LLGL1: variants seen among roughly 807,000 people sequenced by gnomAD.
The protein encoded by LLGL1 is lethal(2) giant larvae protein homolog 1.
In LLGL1, 58 loss-of-function variants were observed where a neutral mutation model predicts 110.6. That is an observed-to-expected ratio of 0.52 (90% confidence interval 0.42 to 0.65). The LOEUF is 0.65. Ranked by LOEUF, LLGL1 falls within the 30% of genes least tolerant of loss-of-function variation. The probability of loss-of-function intolerance (pLI) is 0.00; values close to 1 mark genes in which losing one functional copy is unlikely to be tolerated. For synonymous variants in LLGL1, 674 were observed against 607.2 expected (o/e 1.11, Z -1.62); for missense variants, 1,229 against 1,462.1 (o/e 0.84, Z 2.60).
chr17:18,244,864 A>T lies in LLGL1; in HGVS notation c.*958A>T. ...TTAATATTGAAAATAAAAGCATTTAATATCTCTTAAAGGGCATCCACATCT... is the reference window on the plus strand; with the variant it reads ...TTAATATTGAAAATAAAAGCATTTATTATCTCTTAAAGGGCATCCACATCT... On this transcript the variant is annotated 3_prime_UTR_variant, in exon 23 of 23. Coordinates refer to ENST00000316843, the MANE Select transcript of LLGL1 (RefSeq NM_004140.4). 2.5e-6 allele frequency: 1 copy of T among 404,990 alleles called. No individual in the cohort carries two copies. The highest frequency in any genetic ancestry group is 4.4e-6 in the Non-Finnish European group (1 of 229,542). The allele number at this position is 404,990 out of a possible 1,614,324, so 25.1% of individuals were successfully genotyped here. A position where few individuals can be genotyped will look rare whatever the true frequency, so the allele number is the denominator to read the frequency against.
intron 11 of LLGL1, 144 bp from the exon 12 acceptor site, chr17:18,236,463 C>G: frequency 1.3e-6 from 1 of 764,492 alleles, no homozygotes; most frequent in East Asian, 2.5e-5. Context: ...CAGTAGGTGC[C>G]TATTGTTTTT....
rs1260702126 is a variant in LLGL1 at position 18,225,704 on chromosome 17, C to T, written c.22C>T (p.Arg8Trp). Reference sequence around the variant, plus strand: ...CAAGATGATGAAGTTTCGGTTCCGGCGGCAGGGCGCCGACCCGCAGCGCGA... The same window carrying T: ...CAAGATGATGAAGTTTCGGTTCCGGTGGCAGGGCGCCGACCCGCAGCGCGA... MMKFRFRRQGADPQREKL... is the reference protein window; with the variant it reads MMKFRFRWQGADPQREKL... The change falls in exon 1 of 23, where the codon CGG becomes TGG. Residue 8 changes from arginine to tryptophan, a missense_variant. By Grantham distance (101) the Arg-to-Trp change is moderately radical (BLOSUM62 -3). Transcript: ENST00000316843. The T allele has an allele frequency of 9.6e-7, 1 of 1,042,006 alleles. No individual in the cohort carries two copies. Among genetic ancestry groups the T allele is most frequent in the Non-Finnish European group, 1.2e-6 (1 of 857,298 alleles). 64.5% of individuals were successfully genotyped at this position (1,042,006 alleles called of 1,614,324 possible).
intron 16 of LLGL1, 91 bp downstream of exon 16, chr17:18,238,700 G>A: frequency 3.0e-6 from 4 of 1,329,194 alleles, no homozygotes; most frequent in Non-Finnish European, 3.1e-6. Context: ...CAAGGGAGGT[G>A]GTGGGACTGC....
At chr17:18,228,495 A>G (rs1213568226) in intron 1 of LLGL1, among the ~76,000 whole-genome samples, 1 of 152,162 alleles carries the variant, frequency 6.6e-6, no homozygotes, top group African/African-American at 2.4e-5. Flanking sequence ...CAATCCAGGC[A>G]CGTGACGGTG....
rs1449927042 is a variant in LLGL1, at chr17:18,232,655, C to G, written c.262-17C>G. 8 of 1,614,168 alleles carry G rather than the reference C, an allele frequency of 5.0e-6. No homozygotes were observed. Among genetic ancestry groups the G allele is most frequent in the Non-Finnish European group, 6.8e-6 (8 of 1,179,994 alleles). On this transcript the variant is annotated splice_polypyrimidine_tract_variant and intron_variant, in intron 3 of 22. Coordinates refer to ENST00000316843, the MANE Select transcript of LLGL1 (RefSeq NM_004140.4). ...CCCCCTAGGCCAGCCTAGTTTTCAT[C>G]TCTGCTCACACACCAGGGCCGCCTC... is the stretch of plus-strand genomic sequence containing the variant.
chr17:18,225,644 G>C lies in LLGL1; in HGVS notation c.-39G>C, dbSNP rs1401836301. The C allele has an allele frequency of 8.0e-6, 7 of 873,998 alleles. No homozygotes were observed. The highest frequency in any genetic ancestry group is 9.6e-6 in the Non-Finnish European group (7 of 729,958). The allele number at this position is 873,998 out of a possible 1,614,324, so 54.1% of individuals were successfully genotyped here. A position where few individuals can be genotyped will look rare whatever the true frequency, so the allele number is the denominator to read the frequency against. On this transcript the variant is annotated 5_prime_UTR_variant, in exon 1 of 23. Coordinates refer to ENST00000316843, the MANE Select transcript of LLGL1 (RefSeq NM_004140.4). The stretch of plus-strand genomic sequence containing the variant: ...CGGGGCCGCGCGGCGCATCCTGCGG[G>C]CGGCGGCGGCGGGCGAGGCGCCTGC...
chr17:18,229,239 T>C (rs972143116), intron 1 of LLGL1, among the ~76,000 whole-genome samples: 7 of 151,988 alleles, frequency 4.6e-5, no homozygotes, highest in Admixed American at 2.6e-4. Context: ...GGGAGCTGTT[T>C]CATCGACACT....
chr17:18,232,531 C>T lies in LLGL1; in HGVS notation c.216C>T (p.His72=), dbSNP rs773338421. ...GAPGVEFTGL[H]RDAATVTQMH... is the part of the protein sequence containing the mutation. ...CTGGCGTGGAGTTCACAGGCCTGCA[C>T]CGGGATGCAGCCACTGTCACACAGA... Residue 72 remains histidine, a synonymous_variant, in exon 3 of 23, where the codon CAC becomes CAT. Coordinates refer to ENST00000316843, the MANE Select transcript of LLGL1 (RefSeq NM_004140.4). 13 of 1,613,984 alleles carry T rather than the reference C, an allele frequency of 8.1e-6. No individual in the cohort carries two copies. The Admixed American group carries it at 1.8e-4, about 23-fold the overall frequency.
Position 18,229,998 on chromosome 17 carries a change from C to G in LLGL1, c.139C>G (p.Arg47Gly). The G allele has an allele frequency of 1.2e-6, 2 of 1,612,264 alleles. No homozygotes were observed. Among genetic ancestry groups the G allele is most frequent in the South Asian group, 1.1e-5 (1 of 90,996 alleles). ...PSALAFDPEL[R>G]IMAIGTRSGA... Reference sequence around the variant, plus strand: ...CGCCCTGGCCTTCGACCCGGAACTTCGCATCATGGCCATCGGCACCAGGTC... The same window carrying G: ...CGCCCTGGCCTTCGACCCGGAACTTGGCATCATGGCCATCGGCACCAGGTC... Residue 47 changes from arginine (R) to glycine (G), a missense_variant, in exon 2 of 23, where the codon CGC (arginine) becomes GGC (glycine). By Grantham distance (125) the Arg-to-Gly change is moderately radical. Transcript: ENST00000316843.
intron 16 of LLGL1, among the ~76,000 whole-genome samples, chr17:18,239,716 G>C (rs765852911): frequency 2.6e-5 from 4 of 152,048 alleles, no homozygotes; most frequent in Non-Finnish European, 5.9e-5. Flanking sequence ...CTCACTGTCT[G>C]GATGTGGCGG....
rs2142519578 is a variant in LLGL1, at chr17:18,225,738, A to T, written c.56A>T (p.Lys19Met). 9.6e-7 allele frequency: 1 copy of T among 1,038,926 alleles called. No individual in the cohort carries two copies. 64.4% of individuals were successfully genotyped at this position (1,038,926 alleles called of 1,614,324 possible). A position where few individuals can be genotyped will look rare whatever the true frequency, so the allele number is the denominator to read the frequency against. The change falls in exon 1 of 23, where the codon AAG becomes ATG. Residue 19 changes from lysine (K) to methionine (M), a missense_variant. Coordinates refer to ENST00000316843, the MANE Select transcript of LLGL1 (RefSeq NM_004140.4). ...QGADPQREKLKQELFAFNKTV... is the reference protein window; with the variant it reads ...QGADPQREKLMQELFAFNKTV... ...GCCGACCCGCAGCGCGAGAAGCTCA[A>T]GCAGGAGCTTTTCGCCTTCAACAAG...
rs755343498 is a variant in LLGL1 at position 18,241,912 on chromosome 17, T to C, written c.2795T>C (p.Phe932Ser). The C allele has an allele frequency of 1.2e-6, 2 of 1,614,002 alleles. No homozygotes were observed. The highest frequency in any genetic ancestry group is 2.2e-5 in the East Asian group (1 of 44,876). Residue 932 changes from phenylalanine to serine, a missense_variant, in exon 19 of 23, where the codon TTT becomes TCT. By Grantham distance (155) the Phe-to-Ser change is radical. Transcript: ENST00000316843. Reference sequence around the variant, plus strand: ...TTTTACCTGATATCCCCATCAGAATTTGAACGCTTCTCCCTAAGTGCCCGG... The same window carrying C: ...TTTTACCTGATATCCCCATCAGAATCTGAACGCTTCTCCCTAAGTGCCCGG... ...QGFYLISPSE[F>S]ERFSLSARNI...
intron 11 of LLGL1, 103 bp downstream of exon 11, chr17:18,235,640 C>T (rs575142503): frequency 8.7e-7 from 1 of 1,146,044 alleles, no homozygotes; most frequent in East Asian, 2.4e-5. Context: ...CAGGCCTGGC[C>T]CCTGGTGGGA....
At position 18,234,496 on chromosome 17, in the gene LLGL1, C is replaced by G. The variant is rs185263617; in HGVS notation, c.850+88C>G. 558 of 1,582,436 alleles carry G rather than the reference C, an allele frequency of 3.5e-4. 2 individuals are homozygous for G. The African/African-American group carries it at 4.8e-3, about 14-fold the overall frequency. ...CAAACTGGCTGAGGAGGGACTTCCC[C>G]GAGGGGGTGGTCTGGGGGCAGTGTG... On this transcript the variant is annotated intron_variant, in intron 7 of 22. Transcript: ENST00000316843.
At chr17:18,232,181 T>G (rs1361737768) in intron 2 of LLGL1, among the ~76,000 whole-genome samples, 1 of 152,136 alleles carries the variant, frequency 6.6e-6, no homozygotes, top group Non-Finnish European at 1.5e-5. Context: ...CTGCTGGGTG[T>G]GTTTATTCTC....
chr17:18,235,527 C>T lies in LLGL1; in HGVS notation c.1342C>T (p.Leu448=). ...LAQEPSQRGL[L]LTGHEDGTVR... ...CCAGGAGCCGTCACAGCGAGGGCTG[C>T]TGCTGACGGGGTAGGTGTGCGTGCT... Residue 448 remains leucine (L), a synonymous_variant, in exon 11 of 23, where the codon CTG becomes TTG. Transcript: ENST00000316843. 6.2e-7 allele frequency: 1 copy of T among 1,613,740 alleles called. No homozygotes were observed. The highest frequency in any genetic ancestry group is 8.5e-7 in the Non-Finnish European group (1 of 1,179,870).
chr17:18,237,878 C>T (rs1329901572), intron 14 of LLGL1, 105 bp downstream of exon 14: 1 of 1,356,912 alleles, frequency 7.4e-7, no homozygotes, highest in African/African-American at 1.4e-5. Context: ...CACTAACCTC[C>T]ATTGCCCTAT....
At position 18,237,603 on chromosome 17, in the gene LLGL1, G is replaced by T. The variant is rs775338725; in HGVS notation, c.1734G>T (p.Thr578=). Residue 578 remains threonine (T), a synonymous_variant, in exon 14 of 23, where the codon ACG becomes ACT. Transcript: ENST00000316843. ...GCCACGAGCGGCTGAGCCCACGCAC[G>T]GGGCCGCTGCCCTGGCCTGCTGGCT... ...WKGHERLSPR[T]GPLPWPAGFQ... is the part of the protein sequence containing the mutation. 6.2e-7 allele frequency: 1 copy of T among 1,610,992 alleles called. No homozygotes were observed. The highest frequency in any genetic ancestry group is 8.5e-7 in the Non-Finnish European group (1 of 1,179,732).
rs1013683449 is a variant in LLGL1, at chr17:18,236,461, G to A, written c.1353-146G>A. 14 of 737,470 alleles carry A rather than the reference G, an allele frequency of 1.9e-5. No homozygotes were observed. In the East Asian group the frequency reaches 3.5e-4, roughly 19 times the overall value. 45.7% of individuals were successfully genotyped at this position (737,470 alleles called of 1,614,324 possible). A position where few individuals can be genotyped will look rare whatever the true frequency, so the allele number is the denominator to read the frequency against. On this transcript the variant is annotated intron_variant, in intron 11 of 22. Coordinates refer to ENST00000316843, the MANE Select transcript of LLGL1 (RefSeq NM_004140.4). ...TGTACCTGTGCTGTCTACAGTAGGT[G>A]CCTATTGTTTTTTGTAAAAGTAGGA...
Sources: gnomAD v4.1 joint callset for allele counts (sites outside exome capture counted in the v4.1 genomes callset) on GRCh38, gnomAD v4.1.1 for gene constraint, MANE v1.5 for transcripts, NCBI Gene and HGNC (gene_info 2026-07-23, HGNC 2026-07-21) for gene names.